The following TDG variants were observed in gnomAD, a reference collection of about 807,000 sequenced individuals.
TDG encodes the protein thymine DNA glycosylase, also known as G/T mismatch-specific thymine DNA glycosylase.
Under a neutral mutation model 46.1 loss-of-function variants are expected in TDG, and 23 were observed. That is an observed-to-expected ratio of 0.50 (90% CI 0.36 to 0.71). The LOEUF (loss-of-function observed/expected upper bound fraction) is 0.71, where lower values mean the gene tolerates loss of function less well. Ranked by LOEUF, TDG falls within the 30% of genes least tolerant of loss-of-function variation. TDG has a pLI of 0.00. For missense variants in TDG, 304 were observed against 486.7 expected, an observed-to-expected ratio of 0.62 and a Z score of 3.53; for synonymous variants, 115 against 161.3, an observed-to-expected ratio of 0.71 and a Z score of 2.18.
intron 1 of TDG, chr12:103,967,841 T>C (rs868601512): frequency 6.6e-6 from 1 of 151,932 alleles, no homozygotes; most frequent in Non-Finnish European, 1.5e-5. Flanking sequence ...GTTTTTTTTT[T>C]TTTTTGAGAC....
In TDG at chr12:103,983,338, T is replaced by C; in HGVS notation, c.741T>C (p.Val247=). ...GTAAAGAAGTTTTTGGAGTAAAGGT[T>C]AAGAACTTGGAATTTGGGCTTCAGC... is the stretch of plus-strand genomic sequence containing the variant. The part of the protein sequence containing the change: ...IFSKEVFGVK[V]KNLEFGLQPH... Residue 247 remains valine, a synonymous_variant, in exon 7 of 10, where the codon GTT becomes GTC. Transcript: ENST00000392872. 6.3e-7 allele frequency: 1 copy of C among 1,598,868 alleles called. No individual in the cohort carries two copies. The highest frequency in any genetic ancestry group is 8.5e-7 in the Non-Finnish European group (1 of 1,175,530).
intron 1 of TDG, among the ~76,000 whole-genome samples, chr12:103,971,809 T>A (rs1871295408): frequency 6.6e-6 from 1 of 152,184 alleles, no homozygotes; most frequent in South Asian, 2.1e-4. Flanking sequence ...TTGGGGTCTG[T>A]TTTGAGTCTA....
At chr12:103,983,450 C>T in intron 7 of TDG, 61 bp downstream of exon 7, 1 of 1,223,222 alleles carries the variant, frequency 8.2e-7, no homozygotes, top group Non-Finnish European at 1.1e-6. Flanking sequence ...TAGATAATTT[C>T]CTTATTTGTC....
chr12:103,966,826 C>G (rs889469648), intron 1 of TDG, among the ~76,000 whole-genome samples: 1 of 152,116 alleles, frequency 6.6e-6, no homozygotes, highest in African/African-American at 2.4e-5. Flanking sequence ...GAAGAATTAT[C>G]CTGACTCTCA....
intron 8 of TDG, 61 bp downstream of exon 8, chr12:103,984,981 T>TTA (rs1232176521): frequency 4.6e-6 from 6 of 1,305,296 alleles, no homozygotes; most frequent in South Asian, 1.7e-5. Context: ...ACATATATAC[T>TTA]TACATATATA....
chr12:103,981,423 C>T (rs916471394), intron 4 of TDG, among the ~76,000 whole-genome samples: 4 of 151,630 alleles, frequency 2.6e-5, no homozygotes, highest in South Asian at 2.1e-4. Context: ...TTAGTAGAGA[C>T]GGGGTGTCTC....
In TDG at chr12:103,983,498, C is replaced by T. The variant is rs1871967480; in HGVS notation, c.792+109C>T. 8.2e-6 allele frequency: 6 copies of T among 732,920 alleles called. No individual in the cohort carries two copies. The South Asian group carries it at 9.5e-5, about 12-fold the overall frequency. The allele number at this position is 732,920 out of a possible 1,614,324, so 45.4% of individuals were successfully genotyped here. A position where few individuals can be genotyped will look rare whatever the true frequency, so the allele number is the denominator to read the frequency against. On this transcript the variant is annotated intron_variant, in intron 7 of 9. Coordinates refer to ENST00000392872, the MANE Select transcript of TDG (RefSeq NM_003211.6). ...ATTTATACCATGCAAAACAATTACA[C>T]TGTATTTTGTTGAATAATACCTATA...
rs1233304242 is a variant in TDG, at chr12:103,988,328, G to A, written c.*1238G>A. The A allele has an allele frequency of 6.6e-6, 1 of 152,660 alleles. No homozygotes were observed. The highest frequency in any genetic ancestry group is 1.5e-5 in the Non-Finnish European group (1 of 68,038). 9.5% of individuals were successfully genotyped at this position (152,660 alleles called of 1,614,324 possible). On this transcript the variant is annotated 3_prime_UTR_variant, in exon 10 of 10. Transcript: ENST00000392872. ...TTTATGAGGTCTCCCCCACCCCCAG[G>A]AGGTTATATGATTGCTCTTCTCTTT...
intron 4 of TDG, among the ~76,000 whole-genome samples, chr12:103,982,329 G>A (rs1270543378): frequency 6.6e-6 from 1 of 152,172 alleles, no homozygotes; most frequent in Non-Finnish European, 1.5e-5. Context: ...AGTGCTGTAT[G>A]TTTACGTGTG....
rs1444393472 is a variant in TDG, at chr12:103,987,003, G to A, written c.1146G>A (p.Gln382=). Residue 382 remains glutamine, a synonymous_variant, in exon 10 of 10, where the codon CAG becomes CAA. Coordinates refer to ENST00000392872, the MANE Select transcript of TDG (RefSeq NM_003211.6). ...ESAFSGIPNG[Q]WMTQSFTDQI... ...CTTTCAGTGGCATTCCTAATGGGCA[G>A]TGGATGACCCAGTCATTTACAGACC... 1.2e-6 allele frequency: 2 copies of A among 1,614,270 alleles called. No individual in the cohort carries two copies. Among genetic ancestry groups the A allele is most frequent in the South Asian group, 1.1e-5 (1 of 91,092 alleles).
At position 103,988,656 on chromosome 12, in the gene TDG, T is replaced by G. The variant is rs1350408089; in HGVS notation, c.*1566T>G. 6.5e-6 allele frequency: 1 copy of G among 152,716 alleles called. No homozygotes were observed. Among genetic ancestry groups the G allele is most frequent in the Non-Finnish European group, 1.5e-5 (1 of 68,050 alleles). 9.5% of individuals were successfully genotyped at this position (152,716 alleles called of 1,614,324 possible). On this transcript the variant is annotated 3_prime_UTR_variant, in exon 10 of 10. Coordinates refer to ENST00000392872, the MANE Select transcript of TDG (RefSeq NM_003211.6). ...TTTTATTTGAATGGGGAAAATACCCTTTAAATTATGACGGACATCCACTAG... is the reference window on the plus strand; with the variant it reads ...TTTTATTTGAATGGGGAAAATACCCGTTAAATTATGACGGACATCCACTAG...
rs555820954 is a variant in TDG at position 103,981,393 on chromosome 12, G to A, written c.478+431G>A. Among the ~76,000 whole-genome samples the A allele has an allele frequency of 2.7e-3, 407 of 151,696 alleles. 3 individuals are homozygous for A. The highest frequency in any genetic ancestry group is 6.8e-3 in the Middle Eastern group (2 of 294). ...TGGGATTACAGGCATGTACCACCAC[G>A]CCTGGTTAATTTTGTATTTTTAGTA... On this transcript the variant is annotated intron_variant, in intron 4 of 9. Coordinates refer to ENST00000392872, the MANE Select transcript of TDG (RefSeq NM_003211.6).
intron 1 of TDG, among the ~76,000 whole-genome samples, 172 bp downstream of exon 1, chr12:103,966,232 G>A (rs1871013441): frequency 6.6e-6 from 1 of 152,230 alleles, no homozygotes; most frequent in Admixed American, 6.5e-5. Flanking sequence ...CTGCGGCGGT[G>A]GTGGTGGAGG....
intron 1 of TDG, among the ~76,000 whole-genome samples, chr12:103,974,271 T>TCTG (rs146026004): frequency 6.7e-6 from 1 of 150,338 alleles, no homozygotes; most frequent in Non-Finnish European, 1.5e-5. Flanking sequence ...TTTGCCCTCT[T>TCTG]TTGTTGTTGT....
Position 103,980,057 on chromosome 12 carries a change from T to A in TDG, c.393T>A (p.Asn131Lys). The A allele has an allele frequency of 6.2e-7, 1 of 1,614,222 alleles. No homozygotes were observed. Among genetic ancestry groups the A allele is most frequent in the Non-Finnish European group, 8.5e-7 (1 of 1,180,046 alleles). Reference protein sequence around the residue: ...TKTLPDILTFNLDIVIIGINP... With the variant: ...TKTLPDILTFKLDIVIIGINP... ...CTCTCCCCGATATTTTGACCTTCAA[T>A]CTGGACATTGTCATTGTAAGATCTT... Residue 131 changes from asparagine (N) to lysine (K), a missense_variant, in exon 3 of 10, where the codon AAT becomes AAA. Physicochemically the swap from Asn to Lys is moderately conservative, Grantham distance 94. Transcript: ENST00000392872.
chr12:103,982,677 A>T, intron 4 of TDG, 122 bp from the exon 5 acceptor site: 1 of 910,556 alleles, frequency 1.1e-6, no homozygotes, highest in Non-Finnish European at 1.6e-6. Context: ...AAGTGGGAGG[A>T]TTGCTTGAGC....
Position 103,984,940 on chromosome 12 carries a change from C to A in TDG, c.964+20C>A. Reference sequence around the variant, plus strand: ...CCCAAGGTATGTTACTGTCCTCATTCCTTTTATTCATTTTGTGTGTGTATA... The same window carrying A: ...CCCAAGGTATGTTACTGTCCTCATTACTTTTATTCATTTTGTGTGTGTATA... On this transcript the variant is annotated intron_variant, in intron 8 of 9. Coordinates refer to ENST00000392872, the MANE Select transcript of TDG (RefSeq NM_003211.6). 6.7e-7 allele frequency: 1 copy of A among 1,489,900 alleles called. No individual in the cohort carries two copies. The allele number at this position is 1,489,900 out of a possible 1,614,324, so 92.3% of individuals were successfully genotyped here. A position where few individuals can be genotyped will look rare whatever the true frequency, so the allele number is the denominator to read the frequency against.
At chr12:103,974,775 C>T (rs901886248) in intron 1 of TDG, among the ~76,000 whole-genome samples, 17 of 151,836 alleles carry the variant, frequency 1.1e-4, no homozygotes, top group African/African-American at 3.6e-4. Context: ...TTGAGACCAT[C>T]CTGGCTAACA....
Position 103,985,605 on chromosome 12 carries a change from G to T in TDG, c.967G>T (p.Asp323Tyr). 6.2e-7 allele frequency: 1 copy of T among 1,613,552 alleles called. No homozygotes were observed. Among genetic ancestry groups the T allele is most frequent in the Non-Finnish European group, 8.5e-7 (1 of 1,179,646 alleles). The part of the protein sequence containing the change: ...YTFDLQLAQE[D>Y]AKKMAVKEEK... ...AATCCTTTTTACCTTCCTCACAGAG[G>T]ATGCAAAGAAGATGGCTGTTAAGGA... Residue 323 changes from aspartate to tyrosine, a missense_variant and splice_region_variant, in exon 9 of 10, where the codon GAT (aspartate) becomes TAT (tyrosine). Physicochemically the swap from Asp to Tyr is radical, Grantham distance 160. Coordinates refer to ENST00000392872, the MANE Select transcript of TDG (RefSeq NM_003211.6).
Sources: gnomAD v4.1 joint callset for allele counts (sites outside exome capture counted in the v4.1 genomes callset) on GRCh38, gnomAD v4.1.1 for gene constraint, MANE v1.5 for transcripts, NCBI Gene and HGNC (gene_info 2026-07-23, HGNC 2026-07-21) for gene names.